Variants in PTPRD observed in about 807,000 individuals in gnomAD.
PTPRD encodes receptor-type tyrosine-protein phosphatase delta.
A neutral mutation model predicts 214.5 loss-of-function variants in PTPRD; 34 were observed. That is an observed-to-expected ratio of 0.16 (90% CI 0.12 to 0.21). The LOEUF (loss-of-function observed/expected upper bound fraction) is 0.21. PTPRD is among the 10% of genes least tolerant of loss of function. The probability of loss-of-function intolerance (pLI) is 1.00; values close to 1 mark genes in which losing one functional copy is unlikely to be tolerated. For missense variants in PTPRD, 2,545 were observed against 2,398.7 expected, an observed-to-expected ratio of 1.06 and a Z score of -1.27; for synonymous variants, 1,128 against 845.7, an observed-to-expected ratio of 1.33 and a Z score of -5.79.
chr9:9,402,184 T>C (rs529518900), intron 8 of PTPRD, among the ~76,000 whole-genome samples: 1 of 152,176 alleles, frequency 6.6e-6, no homozygotes, highest in African/African-American at 2.4e-5. Context: ...ATATGACAAA[T>C]GCTGTAATGC....
chr9:10,315,421 G>A lies in PTPRD; in HGVS notation c.-545+25542C>T, dbSNP rs200352746. On this transcript the variant is annotated intron_variant, in intron 3 of 45. Coordinates refer to ENST00000381196, the MANE Select transcript of PTPRD (RefSeq NM_002839.4). ...ATCTATCAGTATACTTACCTCTTCTGAAATTGGAATGTCTATATGAAACTA... is the reference window on the plus strand; with the variant it reads ...ATCTATCAGTATACTTACCTCTTCTAAAATTGGAATGTCTATATGAAACTA... 2.6e-5 allele frequency among the ~76,000 whole-genome samples: 4 copies of A among 151,862 alleles called. No individual in the cohort carries two copies. In the East Asian group the frequency reaches 5.8e-4, roughly 22 times the overall value.
intron 8 of PTPRD, among the ~76,000 whole-genome samples, chr9:9,402,753 T>G (rs1166201397): frequency 2.6e-5 from 4 of 151,686 alleles, no homozygotes; most frequent in African/African-American, 4.8e-5. Flanking sequence ...AAGACAATTT[T>G]CAGTGGGTAC....
chr9:9,206,167 G>C (rs992818361), intron 9 of PTPRD, among the ~76,000 whole-genome samples: 16 of 152,326 alleles, frequency 1.1e-4, no homozygotes, highest in African/African-American at 3.1e-4. Flanking sequence ...AAAGAACAAG[G>C]TGACCAGTGT....
chr9:9,462,709 G>A (rs1016087458), intron 8 of PTPRD, among the ~76,000 whole-genome samples: 2 of 151,966 alleles, frequency 1.3e-5, no homozygotes, highest in Non-Finnish European at 2.9e-5. Flanking sequence ...TACTTTTCCA[G>A]TTTGTGACCC....
At chr9:9,411,441 G>C (rs1053918086) in intron 8 of PTPRD, among the ~76,000 whole-genome samples, 1 of 151,952 alleles carries the variant, frequency 6.6e-6, no homozygotes, top group Non-Finnish European at 1.5e-5. Context: ...TGCCTATGAA[G>C]ATCATCATCA....
At chr9:8,524,672 G>T in intron 18 of PTPRD, 2 of 568,928 alleles carry the variant, frequency 3.5e-6, no homozygotes, top group Non-Finnish European at 6.3e-6. Flanking sequence ...AGTAAAAATA[G>T]AAACCAAGAT....
chr9:9,955,411 A>C (rs1389509234), intron 4 of PTPRD, among the ~76,000 whole-genome samples: 2 of 152,162 alleles, frequency 1.3e-5, no homozygotes, highest in African/African-American at 4.8e-5. Flanking sequence ...ATCTTAAAAT[A>C]AAACCTTGTC....
chr9:10,356,694 T>A (rs1011728564), intron 2 of PTPRD, among the ~76,000 whole-genome samples: 2 of 152,134 alleles, frequency 1.3e-5, no homozygotes, highest in East Asian at 3.9e-4. Flanking sequence ...TTTTTCTTTT[T>A]TTTTGAGACA....
In PTPRD at chr9:9,412,524, A is replaced by G. The variant is rs191259647; in HGVS notation, c.-236-15042T>C. ...TCTCTTCTTTAGTAATCTCCCTTTC[A>G]CATTTCCTACAGTTACTTTCCCAGC... On this transcript the variant is annotated intron_variant, in intron 8 of 45. Coordinates refer to ENST00000381196, the MANE Select transcript of PTPRD (RefSeq NM_002839.4). Among the ~76,000 whole-genome samples the G allele has an allele frequency of 2.0e-5, 3 of 151,920 alleles. No individual in the cohort carries two copies. The East Asian group carries it at 5.9e-4, about 30-fold the overall frequency.
intron 2 of PTPRD, among the ~76,000 whole-genome samples, chr9:10,438,816 G>C (rs1164857277): frequency 6.6e-6 from 1 of 151,622 alleles, no homozygotes. Flanking sequence ...CTGTGGGAAG[G>C]GTTATATCTA....
At chr9:8,390,139 T>C (rs2047595) in intron 36 of PTPRD, among the ~76,000 whole-genome samples, 131,959 of 151,840 alleles carry the variant, frequency 0.87, 57,796 homozygotes, top group Middle Eastern at 0.94. Context: ...TCTTCTACTT[T>C]TGTCCTCTCC....
intron 2 of PTPRD, among the ~76,000 whole-genome samples, chr9:10,449,363 T>C (rs1034052052): frequency 1.3e-5 from 2 of 151,762 alleles, no homozygotes; most frequent in Non-Finnish European, 2.9e-5. Context: ...CAGGCTGGAG[T>C]GCAGTGGCGT....
intron 2 of PTPRD, among the ~76,000 whole-genome samples, chr9:10,478,525 T>C (rs928946443): frequency 6.6e-6 from 1 of 152,136 alleles, no homozygotes; most frequent in African/African-American, 2.4e-5. Context: ...GTGCCCTTTA[T>C]AAAGATGAGA....
chr9:9,616,818 T>G (rs555487678), intron 7 of PTPRD, among the ~76,000 whole-genome samples: 9 of 152,294 alleles, frequency 5.9e-5, no homozygotes, highest in Non-Finnish European at 1.2e-4. Flanking sequence ...CCACTATAAT[T>G]TTTTTAAAAT....
At chr9:8,349,047 T>TA (rs35636652) in intron 39 of PTPRD, among the ~76,000 whole-genome samples, 25 of 150,912 alleles carry the variant, frequency 1.7e-4, no homozygotes, top group African/African-American at 3.4e-4. Context: ...ACAAAATTTA[T>TA]AAAAAAAAAA....
intron 2 of PTPRD, among the ~76,000 whole-genome samples, chr9:10,426,771 T>C (rs2098623682): frequency 6.6e-6 from 1 of 152,064 alleles, no homozygotes; most frequent in African/African-American, 2.4e-5. Context: ...ACAATTACCT[T>C]GGATTGGCAT....
In PTPRD at chr9:8,816,800, TAGA is replaced by T. The variant is rs564678698; in HGVS notation, c.-103-82857_-103-82855del. On this transcript the variant is annotated intron_variant, in intron 11 of 45. Coordinates refer to ENST00000381196, the MANE Select transcript of PTPRD (RefSeq NM_002839.4). The stretch of plus-strand genomic sequence containing the variant: ...CCTCTTGAAGTCTCTTCTTTAGGAA[TAGA>T]AGAAGAAAGGGAATTTTACCTAGCA... Among the ~76,000 whole-genome samples, 160 of 152,310 alleles carry T rather than the reference TAGA, an allele frequency of 1.1e-3. 1 individual carries two copies. Among genetic ancestry groups the T allele is most frequent in the Non-Finnish European group, 1.4e-3 (95 of 68,038 alleles).
chr9:8,449,591 C>T (rs971909920), intron 34 of PTPRD, 134 bp downstream of exon 34: 3 of 821,990 alleles, frequency 3.6e-6, no homozygotes, highest in Admixed American at 2.9e-5. Flanking sequence ...GGCAAGTCTC[C>T]ATAATAGTAA....
intron 3 of PTPRD, among the ~76,000 whole-genome samples, chr9:10,058,246 C>A (rs1242405344): frequency 6.6e-6 from 1 of 151,998 alleles, no homozygotes; most frequent in African/African-American, 2.4e-5. Flanking sequence ...CTTAAAACTG[C>A]TTGATATTAA....
Sources: gnomAD v4.1 joint callset for allele counts (sites outside exome capture counted in the v4.1 genomes callset) on GRCh38, gnomAD v4.1.1 for gene constraint, MANE v1.5 for transcripts, NCBI Gene and HGNC (gene_info 2026-07-23, HGNC 2026-07-21) for gene names.